The following GABRR2 variants were observed in gnomAD, a reference collection of about 807,000 sequenced individuals.
The protein encoded by GABRR2 is gamma-aminobutyric acid receptor subunit rho-2.
In GABRR2, 36 loss-of-function variants were observed where a neutral mutation model predicts 47.0. That is an observed-to-expected ratio of 0.77 (90% confidence interval 0.59 to 1.01). GABRR2 has a LOEUF of 1.01. GABRR2 is among the 50% of genes least tolerant of loss of function. GABRR2 has a pLI of 0.00. For synonymous variants in GABRR2, 204 were observed against 227.5 expected, an observed-to-expected ratio of 0.90 and a Z score of 0.93; for missense variants, 587 against 594.6, an observed-to-expected ratio of 0.99 and a Z score of 0.13.
At chr6:89,313,710 A>G (rs1349486450) in intron 1 of GABRR2, among the ~76,000 whole-genome samples, 1 of 152,178 alleles carries the variant, frequency 6.6e-6, no homozygotes, top group Non-Finnish European at 1.5e-5. Flanking sequence ...TGAGGTCAGA[A>G]GTTTGAGACC....
chr6:89,262,788 C>T (rs890797266), intron 8 of GABRR2, among the ~76,000 whole-genome samples: 9 of 152,180 alleles, frequency 5.9e-5, no homozygotes, highest in Non-Finnish European at 1.3e-4. Context: ...ATTTTCATGT[C>T]CCTTTATCTC....
At chr6:89,264,199 G>A (rs1299678804) in intron 8 of GABRR2, among the ~76,000 whole-genome samples, 2 of 152,182 alleles carry the variant, frequency 1.3e-5, no homozygotes, top group Non-Finnish European at 2.9e-5. Flanking sequence ...TGAGACCCAA[G>A]TCTTCCAGTT....
chr6:89,275,624 G>A (rs9444682), intron 2 of GABRR2, among the ~76,000 whole-genome samples: 39,360 of 152,084 alleles, frequency 0.26, 5,196 homozygotes, highest in East Asian at 0.4. Context: ...CCAGGATTGG[G>A]GGTCTAGGTG....
In GABRR2 at chr6:89,269,057, T is replaced by A; in HGVS notation, c.466A>T (p.Ile156Phe). 2 of 1,613,990 alleles carry A rather than the reference T, an allele frequency of 1.2e-6. No homozygotes were observed. Among genetic ancestry groups the A allele is most frequent in the South Asian group, 2.2e-5 (2 of 91,086 alleles). The stretch of plus-strand genomic sequence containing the variant: ...CCATCTGGGAACACCCTCAGCATGA[T>A]GTTGTCAGTGGTGGTGTCATGAGTG... Reference protein sequence around the residue: ...SFTHDTTTDNIMLRVFPDGHV... With the variant: ...SFTHDTTTDNFMLRVFPDGHV... Residue 156 changes from isoleucine (I) to phenylalanine (F), a missense_variant, in exon 4 of 9, where the codon ATC becomes TTC. Transcript: ENST00000402938.
At chr6:89,258,534 C>G (rs1468662681) in intron 8 of GABRR2, among the ~76,000 whole-genome samples, 1 of 139,272 alleles carries the variant, frequency 7.2e-6, no homozygotes, top group Non-Finnish European at 1.5e-5. Context: ...AGTGAGACTC[C>G]TTCTCTAAAA....
At chr6:89,301,171 T>C (rs750631154) in intron 1 of GABRR2, among the ~76,000 whole-genome samples, 1 of 131,532 alleles carries the variant, frequency 7.6e-6, no homozygotes, top group Non-Finnish European at 1.7e-5. Flanking sequence ...CAAGAGGCTT[T>C]CGATAAAATT....
At chr6:89,273,265 C>T (rs1774093204) in intron 2 of GABRR2, among the ~76,000 whole-genome samples, 1 of 152,174 alleles carries the variant, frequency 6.6e-6, no homozygotes, top group South Asian at 2.1e-4. Flanking sequence ...CAGAGTCTCG[C>T]TCTGTTGCCC....
intron 2 of GABRR2, among the ~76,000 whole-genome samples, chr6:89,275,422 C>T (rs540613723): frequency 6.6e-6 from 1 of 152,114 alleles, no homozygotes; most frequent in East Asian, 1.9e-4. Flanking sequence ...TACAGGTGTG[C>T]ACCACCACAC....
Position 89,254,812 on chromosome 6 carries a change from G to A in GABRR2, c.*2858C>T, listed in dbSNP as rs1227280679. On this transcript the variant is annotated 3_prime_UTR_variant, in exon 9 of 9. Transcript: ENST00000402938. ...AAATTTCCTACTTTTCTCAAGTAGT[G>A]TCAGACTAGTATACTGTAATAAGGC... Among the ~76,000 whole-genome samples, 1 of 152,098 alleles carries A rather than the reference G, an allele frequency of 6.6e-6. No individual in the cohort carries two copies.
At chr6:89,262,521 T>C (rs1333437841) in intron 8 of GABRR2, among the ~76,000 whole-genome samples, 1 of 152,200 alleles carries the variant, frequency 6.6e-6, no homozygotes, top group Non-Finnish European at 1.5e-5. Context: ...GAATCCTTTA[T>C]AAGAAATAAA....
intron 6 of GABRR2, 142 bp from the exon 7 acceptor site, chr6:89,265,907 C>T (rs1403528125): frequency 2.8e-6 from 2 of 709,724 alleles, no homozygotes; most frequent in Non-Finnish European, 4.7e-6. Context: ...TAATATAATA[C>T]CTTTCTTTTC....
At chr6:89,287,125 G>A (rs78810967) in intron 2 of GABRR2, among the ~76,000 whole-genome samples, 1,695 of 152,294 alleles carry the variant, frequency 0.011, 11 homozygotes, top group African/African-American at 0.019. Context: ...GACCAGAGGC[G>A]CGGCAACCGG....
At chr6:89,302,471 T>A in intron 1 of GABRR2, 1 of 628,930 alleles carries the variant, frequency 1.6e-6, no homozygotes, top group South Asian at 1.5e-5. Context: ...TTGGCCACCA[T>A]GAGCAGGATC....
intron 1 of GABRR2, among the ~76,000 whole-genome samples, chr6:89,310,038 AT>A (rs1582468064): frequency 6.8e-6 from 1 of 147,506 alleles, no homozygotes; most frequent in South Asian, 2.1e-4. Flanking sequence ...AACTGCTGGG[AT>A]TACAGGCATG....
rs183845911 is a variant in GABRR2 at position 89,306,683 on chromosome 6, G to A, written c.114-6818C>T. Among the ~76,000 whole-genome samples the A allele has an allele frequency of 3.1e-3, 479 of 152,066 alleles. 1 individual carries two copies. Among genetic ancestry groups the A allele is most frequent in the Non-Finnish European group, 5.4e-3 (366 of 67,990 alleles). On this transcript the variant is annotated intron_variant, in intron 1 of 8. Coordinates refer to ENST00000402938, the MANE Select transcript of GABRR2 (RefSeq NM_002043.5). ...AGTGATTCTCTCTTCTTTCTTTCAC[G>A]CTCACTCTTTCCAGATCATTTTCTT... is the stretch of plus-strand genomic sequence containing the variant.
chr6:89,300,745 CAAAAAAAAAA>C (rs56360515), intron 1 of GABRR2, among the ~76,000 whole-genome samples: 9 of 76,388 alleles, frequency 1.2e-4, no homozygotes, highest in Admixed American at 6.8e-4. Context: ...GCGTACCAAC[CAAAAAAAAAA>C]AAAAAAAAAA....
intron 1 of GABRR2, 130 bp from the exon 2 acceptor site, chr6:89,299,995 G>T (rs115460056): frequency 1.6e-6 from 1 of 637,868 alleles, no homozygotes. Context: ...TGGCCCAGGG[G>T]AGAAGGAGGG....
At chr6:89,311,347 C>T (rs1279368783) in intron 1 of GABRR2, among the ~76,000 whole-genome samples, 1 of 152,164 alleles carries the variant, frequency 6.6e-6, no homozygotes, top group Non-Finnish European at 1.5e-5. Context: ...AGAATGCCAC[C>T]CACCCCAACA....
At chr6:89,305,782 C>T (rs1328574378) in intron 1 of GABRR2, among the ~76,000 whole-genome samples, 2 of 152,086 alleles carry the variant, frequency 1.3e-5, no homozygotes, top group Non-Finnish European at 1.5e-5. Context: ...GAACAAAAGA[C>T]ACTGGGGCCT....
Sources: gnomAD v4.1 joint callset for allele counts (sites outside exome capture counted in the v4.1 genomes callset) on GRCh38, gnomAD v4.1.1 for gene constraint, MANE v1.5 for transcripts, NCBI Gene and HGNC (gene_info 2026-07-23, HGNC 2026-07-21) for gene names.